COL24A1: variants seen among roughly 807,000 people sequenced by gnomAD.
COL24A1 encodes collagen alpha-1(XXIV) chain.
COL24A1 carries 224 observed loss-of-function variants against 253.9 expected under a neutral mutation model. The ratio of observed to expected loss-of-function variants is 0.88; its 90% confidence interval spans 0.79 to 0.99. The LOEUF (loss-of-function observed/expected upper bound fraction) is 0.99. COL24A1 is among the 50% of genes least tolerant of loss of function. The pLI, the probability that COL24A1 is intolerant of heterozygous loss-of-function variation, is 0.00. For missense variants in COL24A1, 2,131 were observed against 2,068.5 expected (o/e 1.03, Z -0.59); for synonymous variants, 685 against 673.7 (o/e 1.02, Z -0.26).
At chr1:85,924,529 T>C (rs540855671) in intron 24 of COL24A1, among the ~76,000 whole-genome samples, 1 of 152,168 alleles carries the variant, frequency 6.6e-6, no homozygotes, top group Non-Finnish European at 1.5e-5. Context: ...CACAAATCAA[T>C]AAACATAATC....
chr1:86,100,045 G>A (rs1041283729), intron 5 of COL24A1, among the ~76,000 whole-genome samples: 3 of 151,756 alleles, frequency 2.0e-5, no homozygotes, highest in Non-Finnish European at 2.9e-5. Flanking sequence ...TGTTTATTGC[G>A]GCACTATTCA....
At chr1:86,087,601 T>G (rs1472553695) in intron 7 of COL24A1, among the ~76,000 whole-genome samples, 1 of 148,318 alleles carries the variant, frequency 6.7e-6, no homozygotes, top group Non-Finnish European at 1.5e-5. Context: ...GAGTAGTTTA[T>G]TCTTCTGTCA....
intron 35 of COL24A1, among the ~76,000 whole-genome samples, chr1:85,872,418 G>C (rs1179439442): frequency 6.6e-6 from 1 of 152,144 alleles, no homozygotes; most frequent in Non-Finnish European, 1.5e-5. Flanking sequence ...CAAAGCTGGA[G>C]GCATCACACT....
In COL24A1 at chr1:85,784,109, A is replaced by T; in HGVS notation, c.4221+4T>A. On this transcript the variant is annotated splice_donor_region_variant and intron_variant, in intron 50 of 59. Transcript: ENST00000370571. ...GAAGACTAGAAGAAAGTATGTAAAC[A>T]TACTTTAGGGCCTGGGAATCCTTGG... 6.2e-7 allele frequency: 1 copy of T among 1,610,196 alleles called. No homozygotes were observed. The highest frequency in any genetic ancestry group is 8.5e-7 in the Non-Finnish European group (1 of 1,177,084).
intron 8 of COL24A1, among the ~76,000 whole-genome samples, chr1:86,062,442 CTACAATA>C (rs1342752269): frequency 6.6e-6 from 1 of 151,710 alleles, no homozygotes; most frequent in Non-Finnish European, 1.5e-5. Context: ...GAAGAACTGA[CTACAATA>C]TACATTTTCT....
intron 53 of COL24A1, among the ~76,000 whole-genome samples, chr1:85,762,523 C>T (rs1666939863): frequency 6.6e-6 from 1 of 151,984 alleles, no homozygotes; most frequent in Non-Finnish European, 1.5e-5. Context: ...AAATTAATAC[C>T]AGTTAATTTT....
At chr1:85,823,991 TGG>T (rs1479058467) in intron 43 of COL24A1, among the ~76,000 whole-genome samples, 1 of 152,088 alleles carries the variant, frequency 6.6e-6, no homozygotes, top group East Asian at 1.9e-4. Flanking sequence ...GGCTGAATGG[TGG>T]CCTCCCAAAT....
intron 21 of COL24A1, among the ~76,000 whole-genome samples, 164 bp from the exon 22 acceptor site, chr1:85,970,435 C>G (rs1450430006): frequency 6.6e-6 from 1 of 152,146 alleles, no homozygotes; most frequent in Non-Finnish European, 1.5e-5. Context: ...CCCCACAACA[C>G]TTTAGTTTTT....
intron 41 of COL24A1, 107 bp from the exon 42 acceptor site, chr1:85,841,385 T>C (rs1676597903): frequency 2.6e-6 from 2 of 756,702 alleles, no homozygotes; most frequent in Admixed American, 3.3e-5. Context: ...TTTGATGTTA[T>C]CTTTTTTTAA....
chr1:85,908,334 T>TTATA (rs1046668997), intron 27 of COL24A1, among the ~76,000 whole-genome samples: 71 of 151,878 alleles, frequency 4.7e-4, no homozygotes, highest in African/African-American at 1.5e-3. Flanking sequence ...TCCTGTTTCC[T>TTATA]TATATGTGGT....
intron 32 of COL24A1, chr1:85,883,892 A>G (rs1682163090): frequency 6.6e-6 from 1 of 152,216 alleles, no homozygotes; most frequent in South Asian, 2.1e-4. Flanking sequence ...CATTTGACTT[A>G]TCCATGAGAT....
chr1:85,822,929 C>T (rs577254790), intron 45 of COL24A1, among the ~76,000 whole-genome samples: 1 of 152,276 alleles, frequency 6.6e-6, no homozygotes, highest in East Asian at 1.9e-4. Context: ...GTCAGTTTAA[C>T]CAAAATTCCC....
At chr1:85,796,020 A>G (rs1670767931) in intron 47 of COL24A1, among the ~76,000 whole-genome samples, 1 of 152,202 alleles carries the variant, frequency 6.6e-6, no homozygotes, top group Admixed American at 6.5e-5. Context: ...TACATAAATA[A>G]TGTAGCATTC....
intron 20 of COL24A1, among the ~76,000 whole-genome samples, chr1:85,978,896 A>T (rs753824782): frequency 5.3e-5 from 8 of 152,206 alleles, no homozygotes; most frequent in African/African-American, 1.9e-4. Flanking sequence ...CATTCTTTTC[A>T]TCAGAGTATA....
intron 5 of COL24A1, among the ~76,000 whole-genome samples, chr1:86,099,070 C>T (rs1228508987): frequency 1.3e-5 from 2 of 152,072 alleles, no homozygotes; most frequent in African/African-American, 4.8e-5. Context: ...CATAAAATGC[C>T]TTGGTAAATT....
chr1:85,797,560 T>C (rs962525364), intron 47 of COL24A1, among the ~76,000 whole-genome samples: 9 of 152,216 alleles, frequency 5.9e-5, no homozygotes, highest in African/African-American at 1.9e-4. Context: ...ATAGGCATAC[T>C]TGAAGAAGCA....
intron 4 of COL24A1, among the ~76,000 whole-genome samples, chr1:86,113,925 T>G (rs1270070842): frequency 3.3e-5 from 5 of 151,838 alleles, no homozygotes; most frequent in African/African-American, 1.2e-4. Context: ...AAAGTACATT[T>G]TAATAAAGTA....
Position 85,906,281 on chromosome 1 carries a change from A to G in COL24A1, c.2778+913T>C, listed in dbSNP as rs534090740. Among the ~76,000 whole-genome samples, 38 of 4,960 alleles carry G rather than the reference A, an allele frequency of 7.7e-3. 2 individuals carry two copies. The highest frequency in any genetic ancestry group is 0.026 in the South Asian group (8 of 308). 3.3% of individuals were successfully genotyped at this position (4,960 alleles called of 152,430 possible). A position where few individuals can be genotyped will look rare whatever the true frequency, so the allele number is the denominator to read the frequency against. ...TGCAAGGTCTTTTTTTTTTTTTACC[A>G]TGGTTAGGTAGAGGATATTTTTAGA... On this transcript the variant is annotated intron_variant, in intron 28 of 59. Coordinates refer to ENST00000370571, the MANE Select transcript of COL24A1 (RefSeq NM_152890.7).
At chr1:85,809,845 T>C (rs971214600) in intron 47 of COL24A1, among the ~76,000 whole-genome samples, 2 of 149,898 alleles carry the variant, frequency 1.3e-5, no homozygotes, top group East Asian at 1.9e-4. Context: ...TTTTTAGGTA[T>C]GCATTTCAGT....
Sources: allele counts gnomAD v4.1 joint callset (sites outside exome capture counted in the v4.1 genomes callset), GRCh38; gene constraint gnomAD v4.1.1; transcripts MANE v1.5; gene names NCBI Gene and HGNC (gene_info 2026-07-23, HGNC 2026-07-21).